ARB2A: variants seen among roughly 807,000 people sequenced by gnomAD.
ARB2A encodes the protein cotranscriptional regulator ARB2A.
the ARB2A span, among the ~76,000 whole-genome samples, chr5:93,917,927 T>C: frequency 6.6e-6 from 1 of 152,084 alleles, no homozygotes; most frequent in Non-Finnish European, 1.5e-5. Context: ...TGTATTTCCT[T>C]GTCCCATTTC....
chr5:93,803,932 A>T, the ARB2A span, among the ~76,000 whole-genome samples: 1 of 151,944 alleles, frequency 6.6e-6, no homozygotes, highest in Admixed American at 6.6e-5. Flanking sequence ...CTAGGTTTGT[A>T]CACAGCCGGA....
the ARB2A span, among the ~76,000 whole-genome samples, chr5:93,810,665 C>T: frequency 6.6e-6 from 1 of 152,026 alleles, no homozygotes; most frequent in Non-Finnish European, 1.5e-5. Context: ...ACCTCAGCCT[C>T]CCAAAGAGCT....
At chr5:94,026,624 A>G in the ARB2A span, among the ~76,000 whole-genome samples, 5 of 152,212 alleles carry the variant, frequency 3.3e-5, no homozygotes, top group African/African-American at 1.2e-4. Context: ...ATTAGGGAAG[A>G]GTAGGTATAT....
the ARB2A span, among the ~76,000 whole-genome samples, chr5:93,787,214 T>C: frequency 6.6e-6 from 1 of 152,178 alleles, no homozygotes; most frequent in African/African-American, 2.4e-5. Flanking sequence ...CCATATATTC[T>C]TGAATTATGA....
At chr5:94,097,112 A>C in the ARB2A span, among the ~76,000 whole-genome samples, 1 of 152,158 alleles carries the variant, frequency 6.6e-6, no homozygotes, top group East Asian at 1.9e-4. Context: ...GCTATCCCCC[A>C]AAGCTCATCA....
chr5:94,054,623 C>T, the ARB2A span, among the ~76,000 whole-genome samples: 1 of 152,128 alleles, frequency 6.6e-6, no homozygotes, highest in East Asian at 1.9e-4. Context: ...TATAACGTTA[C>T]TGTTTTTTTC....
the ARB2A span, among the ~76,000 whole-genome samples, chr5:93,814,978 C>T: frequency 1.3e-5 from 2 of 152,108 alleles, no homozygotes; most frequent in Admixed American, 6.5e-5. Context: ...GCTGGGACTA[C>T]AGGCATGTGC....
At chr5:93,827,837 C>A in the ARB2A span, among the ~76,000 whole-genome samples, 1 of 152,006 alleles carries the variant, frequency 6.6e-6, no homozygotes, top group East Asian at 1.9e-4. Flanking sequence ...TTCCCAGCAC[C>A]ATTTATTAAA....
the ARB2A span, among the ~76,000 whole-genome samples, chr5:93,808,401 T>TA: frequency 6.0e-3 from 765 of 127,234 alleles, 4 homozygotes; most frequent in Middle Eastern, 0.02. Flanking sequence ...GGAAATAATC[T>TA]AAAAAAAAAA....
chr5:93,647,132 A>AT, the ARB2A span, among the ~76,000 whole-genome samples: 1 of 152,034 alleles, frequency 6.6e-6, no homozygotes, highest in Non-Finnish European at 1.5e-5. Context: ...TTGATAAGGT[A>AT]TTTTTTACTC....
chr5:94,061,963 GATCTAGA>G, the ARB2A span, among the ~76,000 whole-genome samples: 1 of 152,082 alleles, frequency 6.6e-6, no homozygotes, highest in African/African-American at 2.4e-5. Flanking sequence ...AAAGGCAAAT[GATCTAGA>G]ATAGCTAAAC....
the ARB2A span, among the ~76,000 whole-genome samples, chr5:93,663,481 G>T: frequency 6.6e-6 from 1 of 152,122 alleles, no homozygotes; most frequent in Non-Finnish European, 1.5e-5. Flanking sequence ...GAGGAAATGA[G>T]GAAAGAAGCT....
the ARB2A span, among the ~76,000 whole-genome samples, chr5:93,767,887 G>A: frequency 6.7e-5 from 10 of 150,306 alleles, no homozygotes; most frequent in African/African-American, 1.2e-4. Context: ...CCAGCTACTC[G>A]GGAGGCTGAG....
At chr5:93,968,798 T>C in the ARB2A span, among the ~76,000 whole-genome samples, 1 of 151,942 alleles carries the variant, frequency 6.6e-6, no homozygotes, top group African/African-American at 2.4e-5. Flanking sequence ...TAAAAGAAGC[T>C]GGTGGGGGAA....
At chr5:94,025,925 G>A in the ARB2A span, among the ~76,000 whole-genome samples, 10 of 152,140 alleles carry the variant, frequency 6.6e-5, no homozygotes, top group African/African-American at 2.4e-4. Context: ...ATCCTGCAGC[G>A]GACCTTGGCC....
the ARB2A span, among the ~76,000 whole-genome samples, chr5:93,878,196 C>A: frequency 1.3e-5 from 2 of 148,954 alleles, no homozygotes; most frequent in Non-Finnish European, 3.0e-5. Context: ...AAGCTGTATA[C>A]TTTAATAATG....
the ARB2A span, among the ~76,000 whole-genome samples, chr5:93,961,107 GAA>G: frequency 6.6e-6 from 1 of 152,116 alleles, no homozygotes. Flanking sequence ...TGTATAACAA[GAA>G]AGAGGCCACA....
chr5:93,730,276 C>T, the ARB2A span, among the ~76,000 whole-genome samples: 1 of 152,034 alleles, frequency 6.6e-6, no homozygotes, highest in African/African-American at 2.4e-5. Flanking sequence ...ACAGAAGCAG[C>T]AAAACGTTCT....
the ARB2A span, among the ~76,000 whole-genome samples, chr5:93,950,556 T>A: frequency 1.3e-5 from 2 of 151,906 alleles, no homozygotes; most frequent in African/African-American, 2.4e-5. Flanking sequence ...GGCATGAGAA[T>A]CGCTTGAACA....
Sources: gnomAD v4.1 joint callset for allele counts (sites outside exome capture counted in the v4.1 genomes callset) on GRCh38, gnomAD v4.1.1 for gene constraint, MANE v1.5 for transcripts, NCBI Gene and HGNC (gene_info 2026-07-23, HGNC 2026-07-21) for gene names.